The following SYNE2 variants were observed in gnomAD, a reference collection of about 807,000 sequenced individuals.
The protein encoded by SYNE2 is nesprin-2.
In SYNE2, 431 loss-of-function variants were observed where a neutral mutation model predicts 856.3. The observed-to-expected ratio is 0.50, with a 90% CI of 0.47 to 0.55. SYNE2 has a LOEUF of 0.55. Among genes scored for constraint, SYNE2 ranks in the 20% least tolerant of loss-of-function variants. The pLI is 0.00. For missense variants in SYNE2, 8,129 were observed against 8,023.2 expected, an observed-to-expected ratio of 1.01 and a Z score of -0.50; for synonymous variants, 2,923 against 2,872.3, an observed-to-expected ratio of 1.02 and a Z score of -0.56.
Position 64,065,389 on chromosome 14 carries a change from A to G in SYNE2, c.10213-43A>G, listed in dbSNP as rs1255972. The G allele has an allele frequency of 0.84, 1,308,992 of 1,559,104 alleles. 557,395 individuals carry two copies. Among genetic ancestry groups the G allele is most frequent in the Non-Finnish European group, 0.88 (993,384 of 1,134,548 alleles). ...AGAGTTAGTAAGTTTCAGGAAAACCATAATAGTATGTCCCTCTTATTTTTT... is the reference window on the plus strand; with the variant it reads ...AGAGTTAGTAAGTTTCAGGAAAACCGTAATAGTATGTCCCTCTTATTTTTT... On this transcript the variant is annotated intron_variant, in intron 50 of 115. Coordinates refer to ENST00000555002, the MANE Select transcript of SYNE2 (RefSeq NM_182914.3).
intron 1 of SYNE2, among the ~76,000 whole-genome samples, chr14:63,867,117 C>T (rs886789803): frequency 2.6e-5 from 4 of 152,158 alleles, no homozygotes; most frequent in Non-Finnish European, 5.9e-5. Context: ...CCAAACCATA[C>T]AGCAAGTTAC....
intron 1 of SYNE2, among the ~76,000 whole-genome samples, chr14:63,783,603 TC>T (rs1195412954): frequency 6.6e-6 from 1 of 152,174 alleles, no homozygotes; most frequent in Non-Finnish European, 1.5e-5. Flanking sequence ...TTTGTGGTAT[TC>T]CTGCCAAAAA....
At chr14:64,118,375 T>G (rs562752136) in intron 66 of SYNE2, among the ~76,000 whole-genome samples, 67 of 152,332 alleles carry the variant, frequency 4.4e-4, no homozygotes, top group Middle Eastern at 3.4e-3. Context: ...ATTTTTAGAT[T>G]TGTGTGAATT....
chr14:63,871,636 G>T (rs1439961266), intron 1 of SYNE2, among the ~76,000 whole-genome samples: 2 of 149,262 alleles, frequency 1.3e-5, no homozygotes, highest in African/African-American at 4.9e-5. Flanking sequence ...CAGAGACAGG[G>T]TCTCACTGTG....
intron 2 of SYNE2, among the ~76,000 whole-genome samples, chr14:63,933,996 G>A (rs2095798429): frequency 6.6e-6 from 1 of 152,120 alleles, no homozygotes; most frequent in South Asian, 2.1e-4. Context: ...GTGTGTCAGG[G>A]GATAAATGGA....
chr14:64,138,091 T>C (rs1475037538), intron 79 of SYNE2, 108 bp downstream of exon 79: 5 of 1,303,618 alleles, frequency 3.8e-6, no homozygotes, highest in Non-Finnish European at 5.4e-6. Flanking sequence ...TGCTGTTTTT[T>C]CTTGGGCAGT....
intron 50 of SYNE2, among the ~76,000 whole-genome samples, chr14:64,064,542 A>AC (rs1555459559): frequency 9.7e-6 from 1 of 103,610 alleles, no homozygotes; most frequent in Non-Finnish European, 1.8e-5. Context: ...GTACTTTTAG[A>AC]TTTTTTTTTT....
intron 1 of SYNE2, among the ~76,000 whole-genome samples, chr14:63,826,393 A>G (rs1029679902): frequency 6.6e-6 from 1 of 152,062 alleles, no homozygotes; most frequent in African/African-American, 2.4e-5. Flanking sequence ...TCCACCTCCC[A>G]GGTTCAAGCG....
chr14:63,982,846 C>A, intron 17 of SYNE2, 52 bp downstream of exon 17: 1 of 1,559,448 alleles, frequency 6.4e-7, no homozygotes, highest in Non-Finnish European at 8.8e-7. Flanking sequence ...TCATGTACCA[C>A]ACAATTTACT....
intron 8 of SYNE2, among the ~76,000 whole-genome samples, chr14:63,958,781 CTTAT>C (rs66967593): frequency 0.68 from 103,800 of 151,758 alleles, 35,773 homozygotes; most frequent in South Asian, 0.77. Flanking sequence ...CCCCCATTTA[CTTAT>C]TTATTCAGTC....
At chr14:64,113,808 G>A (rs1364496891) in intron 66 of SYNE2, among the ~76,000 whole-genome samples, 1 of 152,172 alleles carries the variant, frequency 6.6e-6, no homozygotes, top group East Asian at 1.9e-4. Context: ...TGTCACATTA[G>A]CTGTGAACTT....
intron 100 of SYNE2, 68 bp downstream of exon 100, chr14:64,203,031 C>A: frequency 6.3e-7 from 1 of 1,582,970 alleles, no homozygotes; most frequent in Non-Finnish European, 8.6e-7. Flanking sequence ...TGAGGCCTTC[C>A]CCGTATATCT....
At position 64,022,012 on chromosome 14, in the gene SYNE2, T is replaced by G; in HGVS notation, c.5508T>G (p.Phe1836Leu). The stretch of plus-strand genomic sequence containing the variant: ...AAAAAAGTGTTTTGCAAGATCACTT[T>G]TCTAAGTTATTGAATGGTGAGTGCA... ...NTKKSVLQDHFSKLLNDQCKN... is the reference protein window; with the variant it reads ...NTKKSVLQDHLSKLLNDQCKN... The change falls in exon 37 of 116, where the codon TTT becomes TTG. Residue 1836 changes from phenylalanine (F) to leucine (L), a missense_variant. Coordinates refer to ENST00000555002, the MANE Select transcript of SYNE2 (RefSeq NM_182914.3). 2 of 1,613,736 alleles carry G rather than the reference T, an allele frequency of 1.2e-6. No individual in the cohort carries two copies. The highest frequency in any genetic ancestry group is 2.2e-5 in the South Asian group (2 of 91,056).
chr14:63,866,943 G>A (rs1253169880), intron 1 of SYNE2, among the ~76,000 whole-genome samples: 1 of 152,130 alleles, frequency 6.6e-6, no homozygotes, highest in Non-Finnish European at 1.5e-5. Context: ...GCAATAGAGC[G>A]AGACCCTCTC....
chr14:64,098,650 A>T, intron 62 of SYNE2, 97 bp from the exon 63 acceptor site: 2 of 1,269,028 alleles, frequency 1.6e-6, no homozygotes, highest in Non-Finnish European at 2.3e-6. Flanking sequence ...GGATAAAGTA[A>T]GTAAAAAATT....
intron 66 of SYNE2, 114 bp downstream of exon 66, chr14:64,113,685 A>T: frequency 8.6e-7 from 1 of 1,164,610 alleles, no homozygotes; most frequent in Non-Finnish European, 1.2e-6. Context: ...TGACCCTTAC[A>T]TTTATCTTGG....
rs768654878 is a variant in SYNE2 at position 64,052,792 on chromosome 14, A to G, written c.8879A>G (p.Asp2960Gly). 5 of 1,612,698 alleles carry G rather than the reference A, an allele frequency of 3.1e-6. No homozygotes were observed. In the East Asian group the frequency reaches 1.1e-4, roughly 36 times the overall value. Reference protein sequence around the residue: ...EKTSALQEEADSIQRNELLLN... With the variant: ...EKTSALQEEAGSIQRNELLLN... ...ACATCAGCGCTTCAGGAGGAGGCTGACAGTATACAGCGCAATGAACTATTA... is the reference window on the plus strand; with the variant it reads ...ACATCAGCGCTTCAGGAGGAGGCTGGCAGTATACAGCGCAATGAACTATTA... Residue 2960 changes from aspartate to glycine, a missense_variant, in exon 48 of 116, where the codon GAC (aspartate) becomes GGC (glycine). By Grantham distance (94) the Asp-to-Gly change is moderately conservative (BLOSUM62 -1). Coordinates refer to ENST00000555002, the MANE Select transcript of SYNE2 (RefSeq NM_182914.3).
intron 6 of SYNE2, among the ~76,000 whole-genome samples, chr14:63,949,593 G>A (rs1266086920): frequency 6.6e-6 from 1 of 152,164 alleles, no homozygotes; most frequent in Non-Finnish European, 1.5e-5. Flanking sequence ...CTCAATGTGG[G>A]ACAGCATGCC....
intron 63 of SYNE2, chr14:64,099,947 A>T (rs931899326): frequency 6.6e-6 from 1 of 152,092 alleles, no homozygotes; most frequent in African/African-American, 2.4e-5. Flanking sequence ...CTAGAACTAG[A>T]AATACCATTT....
Sources: gnomAD v4.1 joint callset for allele counts (sites outside exome capture counted in the v4.1 genomes callset) on GRCh38, gnomAD v4.1.1 for gene constraint, MANE v1.5 for transcripts, NCBI Gene and HGNC (gene_info 2026-07-23, HGNC 2026-07-21) for gene names.